STPG3: variants seen among roughly 807,000 people sequenced by gnomAD.
STPG3 encodes the protein protein STPG3.
STPG3 carries 39 observed loss-of-function variants against 32.5 expected under a neutral mutation model. The observed-to-expected ratio is 1.20, with a 90% CI of 0.93 to 1.57. STPG3 has a LOEUF of 1.57. Ranked by LOEUF, STPG3 falls within the 40% of genes most tolerant of loss-of-function variation. The probability of loss-of-function intolerance (pLI) is 0.00; values close to 1 mark genes in which losing one functional copy is unlikely to be tolerated. For missense variants in STPG3, 507 were observed against 407.6 expected (o/e 1.24, Z -2.10); for synonymous variants, 209 against 172.4 (o/e 1.21, Z -1.66).
intron 3 of STPG3, 79 bp downstream of exon 3, chr9:137,252,214 A>T (rs895931862): frequency 3.3e-6 from 5 of 1,536,174 alleles, no homozygotes; most frequent in Non-Finnish European, 4.4e-6. Flanking sequence ...TCTGTGCTGA[A>T]ACCCCCACGG....
chr9:137,253,218 C>G lies in STPG3; in HGVS notation c.900C>G (p.His300Gln), dbSNP rs200741715. ...AGGGTGTACGCAGACCCAAGCGCCACGACACAGGCCCCTTCTGCACGCTCT... is the reference window on the plus strand; with the variant it reads ...AGGGTGTACGCAGACCCAAGCGCCAGGACACAGGCCCCTTCTGCACGCTCT... The part of the protein sequence containing the change: ...VIQGVRRPKR[H>Q]DTGPFCTL The change falls in exon 6 of 6, where the codon CAC (histidine) becomes CAG (glutamine). Residue 300 changes from histidine to glutamine, a missense_variant. Transcript: ENST00000412566. 4.3e-5 allele frequency: 69 copies of G among 1,608,302 alleles called. No homozygotes were observed. The highest frequency in any genetic ancestry group is 5.6e-5 in the Non-Finnish European group (66 of 1,177,924).
chr9:137,251,921 C>G lies in STPG3; in HGVS notation c.268+26C>G, dbSNP rs763736353. ...GTGAGTGAGGGTCCTGGCCACCCCA[C>G]CCCCAAGCTGGTCTTTGGGGGGCTG... On this transcript the variant is annotated intron_variant, in intron 2 of 5. Coordinates refer to ENST00000412566, the MANE Select transcript of STPG3 (RefSeq NM_001004353.4). 42 of 1,600,676 alleles carry G rather than the reference C, an allele frequency of 2.6e-5. No individual in the cohort carries two copies. In the East Asian group the frequency reaches 9.3e-4, roughly 35 times the overall value.
intron 1 of STPG3, 132 bp from the exon 2 acceptor site, chr9:137,251,604 CAG>C (rs1443356796): frequency 8.7e-7 from 1 of 1,150,646 alleles, no homozygotes. Context: ...GGCTGAGGGA[CAG>C]TGTGGGGACA....
intron 1 of STPG3, 24 bp from the exon 2 acceptor site, chr9:137,251,714 A>C: frequency 1.9e-6 from 3 of 1,553,498 alleles, no homozygotes; most frequent in Non-Finnish European, 2.6e-6. Context: ...GGGCTGAGAC[A>C]GTGGCTGCTG....
intron 3 of STPG3, 115 bp from the exon 4 acceptor site, chr9:137,252,322 C>A: frequency 7.5e-7 from 1 of 1,327,488 alleles, no homozygotes; most frequent in South Asian, 1.3e-5. Context: ...CATGGGTGGA[C>A]ATTGTGAAGA....
Position 137,253,381 on chromosome 9 carries a change from C to A in STPG3, c.*136C>A. ...CCTCTGGGCACCCCGATGCACCCTTCTGGCTGGCCAACCCTTCTATGGGCT... is the reference window on the plus strand; with the variant it reads ...CCTCTGGGCACCCCGATGCACCCTTATGGCTGGCCAACCCTTCTATGGGCT... On this transcript the variant is annotated 3_prime_UTR_variant, in exon 6 of 6. Coordinates refer to ENST00000412566, the MANE Select transcript of STPG3 (RefSeq NM_001004353.4). 1 of 1,514,890 alleles carries A rather than the reference C, an allele frequency of 6.6e-7. No individual in the cohort carries two copies. The highest frequency in any genetic ancestry group is 8.8e-7 in the Non-Finnish European group (1 of 1,137,028). The allele number at this position is 1,514,890 out of a possible 1,614,324, so 93.8% of individuals were successfully genotyped here. A position where few individuals can be genotyped will look rare whatever the true frequency, so the allele number is the denominator to read the frequency against.
chr9:137,252,223 G>A (rs536211493), intron 3 of STPG3, 88 bp downstream of exon 3: 35 of 1,510,094 alleles, frequency 2.3e-5, no homozygotes, highest in East Asian at 9.2e-5. Context: ...AAACCCCCAC[G>A]GCCTGAGGGC....
chr9:137,253,211 A>G lies in STPG3; in HGVS notation c.893A>G (p.Lys298Arg). The change falls in exon 6 of 6, where the codon AAG (lysine) becomes AGG (arginine). Residue 298 changes from lysine to arginine, a missense_variant. Lys to Arg is a conservative substitution (Grantham distance 26, BLOSUM62 2). Transcript: ENST00000412566. Reference sequence around the variant, plus strand: ...GTCATCCAGGGTGTACGCAGACCCAAGCGCCACGACACAGGCCCCTTCTGC... The same window carrying G: ...GTCATCCAGGGTGTACGCAGACCCAGGCGCCACGACACAGGCCCCTTCTGC... ...GVVIQGVRRPKRHDTGPFCTL is the reference protein window; with the variant it reads ...GVVIQGVRRPRRHDTGPFCTL The G allele has an allele frequency of 6.2e-7, 1 of 1,608,854 alleles. No individual in the cohort carries two copies. The highest frequency in any genetic ancestry group is 1.7e-5 in the Admixed American group (1 of 59,502).
In STPG3 at chr9:137,253,464, G is replaced by C. The variant is rs1038987399; in HGVS notation, c.*219G>C. 8.4e-6 allele frequency: 12 copies of C among 1,433,420 alleles called. No homozygotes were observed. In the Admixed American group the frequency reaches 8.6e-5, roughly 10 times the overall value. The allele number at this position is 1,433,420 out of a possible 1,614,324, so 88.8% of individuals were successfully genotyped here. On this transcript the variant is annotated 3_prime_UTR_variant, in exon 6 of 6. Transcript: ENST00000412566. Reference sequence around the variant, plus strand: ...TCTGCCCATCTCCCCGCTACACTGAGATGCTGTTGGTTTTCCCGAGCTCTG... The same window carrying C: ...TCTGCCCATCTCCCCGCTACACTGACATGCTGTTGGTTTTCCCGAGCTCTG...
Position 137,253,412 on chromosome 9 carries a change from C to A in STPG3, c.*167C>A. ...GGCCAACCCTTCTATGGGCTGTGGACAAGGCTGGCCCAGCCTGGATCCCCC... is the reference window on the plus strand; with the variant it reads ...GGCCAACCCTTCTATGGGCTGTGGAAAAGGCTGGCCCAGCCTGGATCCCCC... On this transcript the variant is annotated 3_prime_UTR_variant, in exon 6 of 6. Transcript: ENST00000412566. 6.8e-7 allele frequency: 1 copy of A among 1,462,790 alleles called. No individual in the cohort carries two copies. Among genetic ancestry groups the A allele is most frequent in the Non-Finnish European group, 9.0e-7 (1 of 1,109,808 alleles). The allele number at this position is 1,462,790 out of a possible 1,614,324, so 90.6% of individuals were successfully genotyped here.
Position 137,252,500 on chromosome 9 carries a change from A to G in STPG3, c.467A>G (p.Lys156Arg), listed in dbSNP as rs188045396. The G allele has an allele frequency of 7.3e-4, 1,181 of 1,607,524 alleles. 8 individuals are homozygous for G. The African/African-American group carries it at 0.013, about 17-fold the overall frequency. Residue 156 changes from lysine (K) to arginine (R), a missense_variant, in exon 4 of 6, where the codon AAA (lysine) becomes AGA (arginine). Lys to Arg is a conservative substitution (Grantham distance 26, BLOSUM62 2). Transcript: ENST00000412566. ...WFQSESPFTQ[K>R]ADFDQEQKWP... ...CAGAGCGAAAGCCCCTTCACGCAGAAAGCTGACTTCGACCAAGAGCAAAAG... is the reference window on the plus strand; with the variant it reads ...CAGAGCGAAAGCCCCTTCACGCAGAGAGCTGACTTCGACCAAGAGCAAAAG...
rs756584595 is a variant in STPG3, at chr9:137,252,092, C to T, written c.360C>T (p.Ser120=). The T allele has an allele frequency of 1.2e-6, 2 of 1,612,638 alleles. No homozygotes were observed. Among genetic ancestry groups the T allele is most frequent in the South Asian group, 1.1e-5 (1 of 91,062 alleles). ...CGAGCCCGTCCGTACGAGAGTCCTC[C>T]CCACACCCCCACTACAGCATCGGCT... ...QVPSPSVRES[S]PHPHYSIGCK... The change falls in exon 3 of 6, where the codon TCC becomes TCT. Residue 120 remains serine, a synonymous_variant. Coordinates refer to ENST00000412566, the MANE Select transcript of STPG3 (RefSeq NM_001004353.4).
intron 1 of STPG3, 38 bp from the exon 2 acceptor site, chr9:137,251,700 C>T (rs1314111838): frequency 6.5e-7 from 1 of 1,548,550 alleles, no homozygotes; most frequent in Non-Finnish European, 8.7e-7. Context: ...CTGGGAGCGG[C>T]CGGGGGCTGA....
Position 137,252,809 on chromosome 9 carries a change from C to CCCTGTTTCAGG in STPG3, c.642_643insTGTTTCAGGCC (p.Gln215CysfsTer43), listed in dbSNP as rs1167527488. The CCCTGTTTCAGG allele has an allele frequency of 1.9e-6, 3 of 1,565,904 alleles. No homozygotes were observed. The South Asian group carries it at 3.5e-5, about 18-fold the overall frequency. On this transcript the variant is annotated frameshift_variant, in exon 5 of 6. Transcript: ENST00000412566. LOFTEE classifies it high-confidence loss of function. ...TAGGGGGCTGGGCCTCAGGGTGCAG[C>CCCTGTTTCAGG]CCCAGTCCCTGCTTCAGGCCTCTTT...
In STPG3 at chr9:137,252,603, C is replaced by T. The variant is rs1837399385; in HGVS notation, c.493-59C>T. ...GGGTTCCAGTGGGGCCAAAGGGGGG[C>T]TGGCTGAGGGTCCGTGGGGAGCACC... On this transcript the variant is annotated intron_variant, in intron 4 of 5. Transcript: ENST00000412566. The T allele has an allele frequency of 4.0e-6, 6 of 1,513,580 alleles. No individual in the cohort carries two copies. In the East Asian group the frequency reaches 1.5e-4, roughly 38 times the overall value. 93.8% of individuals were successfully genotyped at this position (1,513,580 alleles called of 1,614,324 possible).
At chr9:137,252,570 G>A (rs775854709) in intron 4 of STPG3, 45 bp downstream of exon 4, 9 of 1,497,848 alleles carry the variant, frequency 6.0e-6, no homozygotes, top group Non-Finnish European at 8.1e-6. Flanking sequence ...ACGCAGGCAG[G>A]GGGCTGGGGG....
chr9:137,252,300 C>A, intron 3 of STPG3, 137 bp from the exon 4 acceptor site: 1 of 1,324,826 alleles, frequency 7.5e-7, no homozygotes, highest in Non-Finnish European at 1.0e-6. Context: ...GAGAGGAGGG[C>A]TAGGGCTGGG....
chr9:137,252,803 G>A lies in STPG3; in HGVS notation c.634G>A (p.Val212Met), dbSNP rs1837422097. The A allele has an allele frequency of 6.4e-7, 1 of 1,564,500 alleles. No homozygotes were observed. ...LPGARGLGLR[V>M]QPQSLLQASL... The stretch of plus-strand genomic sequence containing the variant: ...TGGGGCTAGGGGGCTGGGCCTCAGG[G>A]TGCAGCCCCAGTCCCTGCTTCAGGC... Residue 212 changes from valine to methionine, a missense_variant, in exon 5 of 6, where the codon GTG (valine) becomes ATG (methionine). Physicochemically the swap from Val to Met is conservative, Grantham distance 21. Coordinates refer to ENST00000412566, the MANE Select transcript of STPG3 (RefSeq NM_001004353.4).
chr9:137,251,538 G>C, intron 1 of STPG3, 142 bp downstream of exon 1: 1 of 960,428 alleles, frequency 1.0e-6, no homozygotes, highest in South Asian at 1.6e-5. Flanking sequence ...CAGGCGGCTG[G>C]GAGCGGCCAG....
Sources: gnomAD v4.1 joint callset for allele counts on GRCh38, gnomAD v4.1.1 for gene constraint, MANE v1.5 for transcripts, NCBI Gene and HGNC (gene_info 2026-07-23, HGNC 2026-07-21) for gene names.